ASIP: variants seen among roughly 807,000 people sequenced by gnomAD.
ASIP encodes agouti signaling protein.
Under a neutral mutation model 10.3 loss-of-function variants are expected in ASIP, and 11 were observed. That is an observed-to-expected ratio of 1.07 (90% CI 0.68 to 1.78). The LOEUF (loss-of-function observed/expected upper bound fraction) is 1.78, where lower values mean the gene tolerates loss of function less well. Among genes scored for constraint, ASIP ranks in the 40% most tolerant of loss-of-function variants. The pLI is 0.00. For synonymous variants in ASIP, 70 were observed against 70.8 expected (o/e 0.99, Z 0.06); for missense variants, 180 against 169.2 (o/e 1.06, Z -0.35).
intron 1 of ASIP, among the ~76,000 whole-genome samples, chr20:34,225,626 G>A (rs1413413191): frequency 6.6e-6 from 1 of 152,100 alleles, no homozygotes; most frequent in African/African-American, 2.4e-5. Context: ...ATCTGGAGAA[G>A]TCTTGTTTCG....
intron 1 of ASIP, among the ~76,000 whole-genome samples, chr20:34,209,711 G>A (rs573424073): frequency 6.6e-6 from 1 of 152,308 alleles, no homozygotes; most frequent in Non-Finnish European, 1.5e-5. Context: ...TCTGGATTTG[G>A]GGCACCAACG....
intron 1 of ASIP, chr20:34,214,437 C>T (rs1235917171): frequency 6.7e-7 from 1 of 1,503,488 alleles, no homozygotes; most frequent in Admixed American, 1.7e-5. Flanking sequence ...CTGCAAAGCA[C>T]TAGCTTTTGA....
chr20:34,223,092 A>G (rs74318725), intron 1 of ASIP, among the ~76,000 whole-genome samples: 304 of 142,428 alleles, frequency 2.1e-3, no homozygotes, highest in Middle Eastern at 4.3e-3. Context: ...GCCGCCCATC[A>G]TCTGGGATGT....
chr20:34,207,407 T>C (rs960944180), intron 1 of ASIP, among the ~76,000 whole-genome samples: 4 of 152,242 alleles, frequency 2.6e-5, no homozygotes, highest in Non-Finnish European at 5.9e-5. Flanking sequence ...TGAGTTGAGT[T>C]CCTTACATAT....
chr20:34,204,655 G>T (rs1428506244), intron 1 of ASIP, among the ~76,000 whole-genome samples: 1 of 152,204 alleles, frequency 6.6e-6, no homozygotes, highest in South Asian at 2.1e-4. Context: ...AGTTAAATAT[G>T]ATGGTTGCTG....
intron 1 of ASIP, 46 bp from the exon 2 acceptor site, chr20:34,260,319 A>AT: frequency 6.4e-7 from 1 of 1,563,510 alleles, no homozygotes; most frequent in Non-Finnish European, 8.7e-7. Context: ...GCCTCTTACC[A>AT]TTACCCCTGA....
At chr20:34,267,438 G>C (rs527772955) in intron 3 of ASIP, among the ~76,000 whole-genome samples, 2 of 104,524 alleles carry the variant, frequency 1.9e-5, no homozygotes, top group Non-Finnish European at 3.4e-5. Flanking sequence ...TTGGGAGGGC[G>C]ACAAGAGTGA....
chr20:34,222,871 C>A (rs1351420723), intron 1 of ASIP, among the ~76,000 whole-genome samples: 2 of 152,168 alleles, frequency 1.3e-5, no homozygotes, highest in African/African-American at 2.4e-5. Context: ...CGCGAGTGAT[C>A]CGCCAGCCTC....
At position 34,213,867 on chromosome 20, in the gene ASIP, G is replaced by C. The variant is rs1286078464; in HGVS notation, c.-11+19107G>C. On this transcript the variant is annotated intron_variant, in intron 1 of 3. Transcript: ENST00000568305. ...CACACTGTTTCACAGTCTGCTTGTT[G>C]CTGAAAGCTTTACTAGTTCGACTTG... The C allele has an allele frequency of 3.2e-6, 5 of 1,554,958 alleles. No individual in the cohort carries two copies. The African/African-American group carries it at 6.8e-5, about 21-fold the overall frequency.
chr20:34,203,488 C>T (rs2034914299), intron 1 of ASIP, among the ~76,000 whole-genome samples: 1 of 152,098 alleles, frequency 6.6e-6, no homozygotes, highest in South Asian at 2.1e-4. Flanking sequence ...ACCTCTGCCT[C>T]CTGGGTTCAA....
At chr20:34,217,012 A>C (rs983615148) in intron 1 of ASIP, among the ~76,000 whole-genome samples, 1 of 152,114 alleles carries the variant, frequency 6.6e-6, no homozygotes, top group Non-Finnish European at 1.5e-5. Flanking sequence ...TGTCAAGCGA[A>C]TAGGCTAGAG....
chr20:34,213,158 C>T (rs113104174), intron 1 of ASIP, among the ~76,000 whole-genome samples: 105 of 152,296 alleles, frequency 6.9e-4, no homozygotes, highest in African/African-American at 2.5e-3. Context: ...TGGGTTCACC[C>T]TTCTTGCTCC....
At chr20:34,246,279 C>G in intron 1 of ASIP, 9 of 1,541,724 alleles carry the variant, frequency 5.8e-6, no homozygotes, top group Non-Finnish European at 7.8e-6. Context: ...TCCTCTTCTT[C>G]CCCTGCTGTT....
At position 34,235,837 on chromosome 20, in the gene ASIP, GAA is replaced by G. The variant is rs879300679; in HGVS notation, c.-10-24526_-10-24525del. 1.5e-4 allele frequency among the ~76,000 whole-genome samples: 9 copies of G among 59,750 alleles called. No homozygotes were observed. In the African/African-American group the frequency reaches 1.8e-3, roughly 12 times the overall value. 39.2% of individuals were successfully genotyped at this position (59,750 alleles called of 152,430 possible). A position where few individuals can be genotyped will look rare whatever the true frequency, so the allele number is the denominator to read the frequency against. On this transcript the variant is annotated intron_variant, in intron 1 of 3. Coordinates refer to the ASIP transcript ENST00000568305. ...AGAAAGAAAGAAAGAAAGAAAGAAA[GAA>G]AGAAGGAAGGAAGGAAGGAAGGAAG...
chr20:34,244,918 A>AT, intron 1 of ASIP, among the ~76,000 whole-genome samples: 1 of 152,242 alleles, frequency 6.6e-6, no homozygotes, highest in Non-Finnish European at 1.5e-5. Context: ...AAGGAGACGT[A>AT]TTACTGGTTA....
chr20:34,215,365 C>T, intron 1 of ASIP: 3 of 1,572,918 alleles, frequency 1.9e-6, no homozygotes, highest in East Asian at 2.2e-5. Context: ...GCACTGTTCC[C>T]TCATGGTATC....
chr20:34,237,513 C>A (rs2035226251), upstream of ASIP, among the ~76,000 whole-genome samples: 1 of 152,140 alleles, frequency 6.6e-6, no homozygotes, highest in South Asian at 2.1e-4. Context: ...TATCCTGCTA[C>A]TTTGCTAAAC....
chr20:34,226,770 A>G (rs868675956), intron 1 of ASIP, among the ~76,000 whole-genome samples: 9 of 152,050 alleles, frequency 5.9e-5, no homozygotes, highest in Admixed American at 5.2e-4. Flanking sequence ...TTTATGTTTT[A>G]TAGAGATGGG....
intron 3 of ASIP, among the ~76,000 whole-genome samples, chr20:34,263,532 C>G (rs1024359503): frequency 1.3e-4 from 20 of 151,930 alleles, no homozygotes; most frequent in Non-Finnish European, 2.4e-4. Context: ...TGCACTCCAG[C>G]CTGGTGACAA....
Sources: gnomAD v4.1 joint callset for allele counts (sites outside exome capture counted in the v4.1 genomes callset) on GRCh38, gnomAD v4.1.1 for gene constraint, MANE v1.5 for transcripts, NCBI Gene and HGNC (gene_info 2026-07-23, HGNC 2026-07-21) for gene names.